IP6K1: variants seen among roughly 807,000 people sequenced by gnomAD.
IP6K1 encodes the protein inositol hexakisphosphate kinase 1.
A neutral mutation model predicts 38.3 loss-of-function variants in IP6K1; 13 were observed. That is an observed-to-expected ratio of 0.34 (90% CI 0.22 to 0.54). The LOEUF (loss-of-function observed/expected upper bound fraction) is 0.54. Among genes scored for constraint, IP6K1 ranks in the 20% least tolerant of loss-of-function variants. The pLI is 0.92. For missense variants in IP6K1, 397 were observed against 599.8 expected, an observed-to-expected ratio of 0.66 and a Z score of 3.53; for synonymous variants, 212 against 229.9, an observed-to-expected ratio of 0.92 and a Z score of 0.70.
At chr3:49,761,613 CAA>C (rs71080551) in intron 1 of IP6K1, among the ~76,000 whole-genome samples, 200 of 91,694 alleles carry the variant, frequency 2.2e-3, no homozygotes, top group African/African-American at 4.5e-3. Flanking sequence ...GACTCCGTCT[CAA>C]AAAAAAAAAA....
intron 2 of IP6K1, 127 bp from the exon 3 acceptor site, chr3:49,738,549 A>G (rs1253250232): frequency 1.3e-5 from 9 of 692,752 alleles, no homozygotes; most frequent in Admixed American, 2.2e-5. Flanking sequence ...CTACAGATCA[A>G]TATCAGAACA....
At chr3:49,735,328 C>T (rs1449667744) in intron 3 of IP6K1, among the ~76,000 whole-genome samples, 2 of 152,174 alleles carry the variant, frequency 1.3e-5, no homozygotes, top group Non-Finnish European at 2.9e-5. Context: ...TGCCACTGCA[C>T]TCTAGCCTGG....
At chr3:49,775,580 C>A (rs34451146) in intron 1 of IP6K1, 2 of 996,632 alleles carry the variant, frequency 2.0e-6, no homozygotes, top group African/African-American at 1.6e-5. Flanking sequence ...ACCTCTTCTA[C>A]GAACACAAAA....
intron 2 of IP6K1, among the ~76,000 whole-genome samples, chr3:49,745,748 G>GGGAGGCT (rs56839601): frequency 0.52 from 78,813 of 151,054 alleles, 21,443 homozygotes; most frequent in East Asian, 0.82. Flanking sequence ...CCAGCTACTT[G>GGGAGGCT]GGAGGCTGAG....
chr3:49,778,955 A>G (rs535711624), intron 1 of IP6K1, among the ~76,000 whole-genome samples: 208 of 152,298 alleles, frequency 1.4e-3, no homozygotes, highest in Middle Eastern at 6.8e-3. Flanking sequence ...CTTTATTGAT[A>G]TATTATTCAC....
intron 1 of IP6K1, among the ~76,000 whole-genome samples, chr3:49,753,378 T>C (rs1297067341): frequency 6.6e-6 from 1 of 152,034 alleles, no homozygotes; most frequent in African/African-American, 2.4e-5. Context: ...TATCCTACCC[T>C]CCCTAGTTTA....
chr3:49,753,040 C>T lies in IP6K1; in HGVS notation c.-128-4872G>A, dbSNP rs576201367. 2.0e-3 allele frequency among the ~76,000 whole-genome samples: 299 copies of T among 152,268 alleles called. 2 individuals carry two copies. Among genetic ancestry groups the T allele is most frequent in the African/African-American group, 6.8e-3 (284 of 41,548 alleles). On this transcript the variant is annotated intron_variant, in intron 1 of 5. Coordinates refer to ENST00000321599, the MANE Select transcript of IP6K1 (RefSeq NM_153273.4). ...CCTCCCAAAGTGCTGGGATTACAGGCATGAGCCACTATGCCTGGCCGCCAT... is the reference window on the plus strand; with the variant it reads ...CCTCCCAAAGTGCTGGGATTACAGGTATGAGCCACTATGCCTGGCCGCCAT...
intron 2 of IP6K1, among the ~76,000 whole-genome samples, chr3:49,740,620 C>CACT (rs750180240): frequency 7.2e-5 from 11 of 152,122 alleles, no homozygotes; most frequent in Non-Finnish European, 1.5e-4. Context: ...TCTTTTGTGT[C>CACT]TGGCTTAGTT....
At chr3:49,758,803 A>T (rs745784821) in intron 1 of IP6K1, 1 of 152,176 alleles carries the variant, frequency 6.6e-6, no homozygotes, top group Non-Finnish European at 1.5e-5. Flanking sequence ...CTCTACTAAA[A>T]ATACAAATAT....
At chr3:49,743,002 T>TG (rs1343327133) in intron 2 of IP6K1, among the ~76,000 whole-genome samples, 5 of 151,866 alleles carry the variant, frequency 3.3e-5, no homozygotes, top group Non-Finnish European at 7.4e-5. Flanking sequence ...CCAAGGCAAG[T>TG]GGGTCACTTA....
Position 49,724,389 on chromosome 3 carries a change from G to C in IP6K1, c.*2733C>G, listed in dbSNP as rs1487256308. On this transcript the variant is annotated 3_prime_UTR_variant, in exon 6 of 6. Transcript: ENST00000321599. ...ACAGAAAGGAGCGGGCTCGGACCGA[G>C]CACCCCCTCCCCCGCACGCAAGGTC... is the stretch of plus-strand genomic sequence containing the variant. 1 of 152,286 alleles carries C rather than the reference G, an allele frequency of 6.6e-6. No homozygotes were observed. The highest frequency in any genetic ancestry group is 1.5e-5 in the Non-Finnish European group (1 of 68,076). The allele number at this position is 152,286 out of a possible 1,614,324, so 9.4% of individuals were successfully genotyped here. A position where few individuals can be genotyped will look rare whatever the true frequency, so the allele number is the denominator to read the frequency against.
intron 3 of IP6K1, among the ~76,000 whole-genome samples, chr3:49,737,047 C>G (rs998495381): frequency 6.8e-6 from 1 of 147,792 alleles, no homozygotes; most frequent in Non-Finnish European, 1.5e-5. Flanking sequence ...GCTGGGATTA[C>G]AGGCATGAGC....
intron 3 of IP6K1, among the ~76,000 whole-genome samples, chr3:49,737,191 G>A (rs754751556): frequency 2.0e-5 from 3 of 151,508 alleles, no homozygotes; most frequent in East Asian, 1.9e-4. Context: ...GATTACAAGC[G>A]TGAGCCACAG....
At chr3:49,736,180 T>C (rs2080609984) in intron 3 of IP6K1, among the ~76,000 whole-genome samples, 3 of 152,206 alleles carry the variant, frequency 2.0e-5, no homozygotes, top group African/African-American at 7.2e-5. Flanking sequence ...CCTCCCAAAG[T>C]GCTGGGATTA....
rs183975361 is a variant in IP6K1 at position 49,747,729 on chromosome 3, A to G, written c.223+89T>C. 1,536 of 1,550,284 alleles carry G rather than the reference A, an allele frequency of 9.9e-4. 3 individuals carry two copies. Among genetic ancestry groups the G allele is most frequent in the Admixed American group, 1.2e-3 (65 of 52,014 alleles). On this transcript the variant is annotated intron_variant, in intron 2 of 5. Coordinates refer to ENST00000321599, the MANE Select transcript of IP6K1 (RefSeq NM_153273.4). ...TTTGAGAAAAAAGACCTACAATGAT[A>G]TATCATGGCAAACAAACCAAGAAAA...
intron 2 of IP6K1, among the ~76,000 whole-genome samples, chr3:49,747,289 A>T (rs1367498872): frequency 6.6e-6 from 1 of 152,224 alleles, no homozygotes; most frequent in Non-Finnish European, 1.5e-5. Flanking sequence ...TGGTATAATT[A>T]ATATTCATGA....
intron 1 of IP6K1, among the ~76,000 whole-genome samples, chr3:49,753,518 TATG>T (rs900848627): frequency 6.6e-6 from 1 of 152,180 alleles, no homozygotes; most frequent in East Asian, 1.9e-4. Context: ...GTTTATTATT[TATG>T]ATGATGATGT....
At chr3:49,735,569 G>A (rs908898506) in intron 3 of IP6K1, among the ~76,000 whole-genome samples, 5 of 152,172 alleles carry the variant, frequency 3.3e-5, no homozygotes, top group East Asian at 3.9e-4. Flanking sequence ...TCCAAAGAAC[G>A]TTTGACATTT....
chr3:49,771,212 A>AAAAAC (rs1559714465), intron 1 of IP6K1, among the ~76,000 whole-genome samples: 8 of 126,730 alleles, frequency 6.3e-5, no homozygotes, highest in Non-Finnish European at 1.0e-4. Context: ...AAAAAAAAAA[A>AAAAAC]CCCTGCCAGG....
Sources: allele counts gnomAD v4.1 joint callset (sites outside exome capture counted in the v4.1 genomes callset), GRCh38; gene constraint gnomAD v4.1.1; transcripts MANE v1.5; gene names NCBI Gene and HGNC (gene_info 2026-07-23, HGNC 2026-07-21).